ST6GALNAC3: variants seen among roughly 807,000 people sequenced by gnomAD.
ST6GALNAC3 encodes the protein alpha-N-acetylgalactosaminide alpha-2,6-sialyltransferase 3.
Under a neutral mutation model 32.7 loss-of-function variants are expected in ST6GALNAC3, and 25 were observed. The ratio of observed to expected loss-of-function variants is 0.76; its 90% confidence interval spans 0.56 to 1.07. The LOEUF (loss-of-function observed/expected upper bound fraction) is 1.07. Among genes scored for constraint, ST6GALNAC3 ranks in the 50% least tolerant of loss-of-function variants. ST6GALNAC3 has a pLI of 0.00. For missense variants in ST6GALNAC3, 355 were observed against 382.4 expected (o/e 0.93, Z 0.60); for synonymous variants, 129 against 133.1 (o/e 0.97, Z 0.21).
chr1:76,413,043 G>T lies in ST6GALNAC3; in HGVS notation c.623+626G>T, dbSNP rs147841043. On this transcript the variant is annotated intron_variant, in intron 3 of 4. Transcript: ENST00000328299. ...CATTCAATTATCCAAAAACCAATTT[G>T]CATTTTTTATTACATCCATGTTTTT... 7.0e-4 allele frequency: 218 copies of T among 312,598 alleles called. 2 individuals carry two copies. The highest frequency in any genetic ancestry group is 1.5e-3 in the South Asian group (55 of 36,792). 19.4% of individuals were successfully genotyped at this position (312,598 alleles called of 1,614,324 possible).
intron 2 of ST6GALNAC3, among the ~76,000 whole-genome samples, chr1:76,379,974 C>G (rs964563666): frequency 6.6e-6 from 1 of 152,096 alleles, no homozygotes; most frequent in Non-Finnish European, 1.5e-5. Flanking sequence ...TTGGTTCCGA[C>G]AATGCACTCC....
At chr1:76,280,955 T>G (rs1041158122) in intron 1 of ST6GALNAC3, among the ~76,000 whole-genome samples, 2 of 152,240 alleles carry the variant, frequency 1.3e-5, no homozygotes, top group African/African-American at 4.8e-5. Flanking sequence ...GTCAAACATT[T>G]ATATTATGCT....
At chr1:76,141,033 C>T (rs764938096) in intron 1 of ST6GALNAC3, among the ~76,000 whole-genome samples, 19 of 151,850 alleles carry the variant, frequency 1.3e-4, no homozygotes, top group African/African-American at 3.6e-4. Context: ...GGATGAAAGA[C>T]GGAATGGACG....
chr1:76,549,350 T>C (rs1664484720), intron 3 of ST6GALNAC3, among the ~76,000 whole-genome samples: 2 of 152,126 alleles, frequency 1.3e-5, no homozygotes, highest in Non-Finnish European at 2.9e-5. Flanking sequence ...ACCAGTCTAG[T>C]ATGCATTTTT....
intron 3 of ST6GALNAC3, among the ~76,000 whole-genome samples, chr1:76,602,682 T>G (rs1647290207): frequency 6.6e-6 from 1 of 152,100 alleles, no homozygotes; most frequent in East Asian, 1.9e-4. Flanking sequence ...ATTTGATTAC[T>G]TTTACTAATT....
At chr1:76,524,720 T>G (rs921259439) in intron 3 of ST6GALNAC3, among the ~76,000 whole-genome samples, 5 of 151,616 alleles carry the variant, frequency 3.3e-5, no homozygotes, top group South Asian at 4.2e-4. Flanking sequence ...TTCAGTTTTT[T>G]TTTTTTTTTT....
At chr1:76,551,777 C>G (rs12078367) in intron 3 of ST6GALNAC3, among the ~76,000 whole-genome samples, 4,534 of 152,238 alleles carry the variant, frequency 0.03, 210 homozygotes, top group African/African-American at 0.1. Context: ...CTTATTTCTT[C>G]TATTTCACTG....
At chr1:76,315,298 A>G (rs1041654615) in intron 2 of ST6GALNAC3, among the ~76,000 whole-genome samples, 2 of 152,122 alleles carry the variant, frequency 1.3e-5, no homozygotes, top group South Asian at 2.1e-4. Context: ...TTAATATTCT[A>G]TAACTCTACT....
intron 1 of ST6GALNAC3, among the ~76,000 whole-genome samples, chr1:76,091,012 G>A (rs1259354812): frequency 6.6e-6 from 1 of 152,130 alleles, no homozygotes; most frequent in Non-Finnish European, 1.5e-5. Context: ...CCTTGCAATT[G>A]CGCAGGCCGA....
chr1:76,438,214 C>T (rs1267431779), intron 3 of ST6GALNAC3, among the ~76,000 whole-genome samples: 5 of 150,996 alleles, frequency 3.3e-5, no homozygotes, highest in Non-Finnish European at 5.9e-5. Context: ...TGCAGTGGCG[C>T]GATCTCGGCT....
chr1:76,278,220 A>ATTTTTTTTTTTTTTT (rs1659285357), intron 1 of ST6GALNAC3, among the ~76,000 whole-genome samples: 2 of 105,336 alleles, frequency 1.9e-5, no homozygotes, highest in Admixed American at 9.3e-5. Flanking sequence ...ATTGCTAGGC[A>ATTTTTTTTTTTTTTT]TTCTTTTTTT....
intron 1 of ST6GALNAC3, among the ~76,000 whole-genome samples, chr1:76,259,738 C>G (rs12120578): frequency 1.3e-5 from 2 of 152,164 alleles, no homozygotes; most frequent in African/African-American, 4.8e-5. Context: ...TACACATACT[C>G]TGAAGTTGAA....
At chr1:76,277,607 TATATAC>T (rs1160803143) in intron 1 of ST6GALNAC3, among the ~76,000 whole-genome samples, 3 of 43,494 alleles carry the variant, frequency 6.9e-5, no homozygotes, top group Admixed American at 2.5e-4. Flanking sequence ...TATATATATA[TATATAC>T]ACACACACAC....
chr1:76,508,572 C>G (rs1661627899), intron 3 of ST6GALNAC3, among the ~76,000 whole-genome samples: 1 of 152,216 alleles, frequency 6.6e-6, no homozygotes, highest in South Asian at 2.1e-4. Flanking sequence ...TGAAGCATAA[C>G]CCCCCGGAGT....
chr1:76,342,533 C>A (rs1648133673), intron 2 of ST6GALNAC3, among the ~76,000 whole-genome samples: 1 of 151,124 alleles, frequency 6.6e-6, no homozygotes, highest in African/African-American at 2.4e-5. Flanking sequence ...CTGTTCATAT[C>A]CTTTGCCCAC....
chr1:76,415,206 A>T, intron 3 of ST6GALNAC3, among the ~76,000 whole-genome samples: 9 of 94,962 alleles, frequency 9.5e-5, no homozygotes, highest in African/African-American at 2.6e-4. Flanking sequence ...CAAAACCATT[A>T]GGTGGTTCTT....
intron 2 of ST6GALNAC3, among the ~76,000 whole-genome samples, chr1:76,321,518 T>C (rs1372593663): frequency 6.6e-6 from 1 of 152,166 alleles, no homozygotes; most frequent in African/African-American, 2.4e-5. Context: ...TGATATATTG[T>C]AGTTATTTTA....
rs554717094 is a variant in ST6GALNAC3 at position 76,556,001 on chromosome 1, G to A, written c.624-71451G>A. ...TTAGAACATTTTTATCACTTCAAAA[G>A]GGAACTATACCCATTAGCAGTCTAC... On this transcript the variant is annotated intron_variant, in intron 3 of 4. Coordinates refer to ENST00000328299, the MANE Select transcript of ST6GALNAC3 (RefSeq NM_152996.4). 3.7e-4 allele frequency among the ~76,000 whole-genome samples: 56 copies of A among 152,064 alleles called. No homozygotes were observed. In the South Asian group the frequency reaches 0.011, roughly 31 times the overall value.
intron 1 of ST6GALNAC3, among the ~76,000 whole-genome samples, chr1:76,138,512 C>T (rs1650087273): frequency 6.6e-6 from 1 of 152,180 alleles, no homozygotes; most frequent in African/African-American, 2.4e-5. Context: ...GAACCTGACC[C>T]ATGGACCCTT....
Sources: allele counts gnomAD v4.1 joint callset (sites outside exome capture counted in the v4.1 genomes callset), GRCh38; gene constraint gnomAD v4.1.1; transcripts MANE v1.5; gene names NCBI Gene and HGNC (gene_info 2026-07-23, HGNC 2026-07-21).